The following ZNF613 variants were observed in gnomAD, a reference collection of about 807,000 sequenced individuals.
ZNF613 encodes zinc finger protein 613.
ZNF613 carries 8 observed loss-of-function variants against 14.3 expected under a neutral mutation model. That is an observed-to-expected ratio of 0.56 (90% confidence interval 0.33 to 1.01). The LOEUF (loss-of-function observed/expected upper bound fraction) is 1.01. Among genes scored for constraint, ZNF613 ranks in the 50% least tolerant of loss-of-function variants. The pLI is 0.03. For missense variants in ZNF613, 656 were observed against 741.9 expected, an observed-to-expected ratio of 0.88 and a Z score of 1.35; for synonymous variants, 228 against 254.5, an observed-to-expected ratio of 0.90 and a Z score of 0.99.
Position 51,940,203 on chromosome 19 carries a change from T to C in ZNF613, c.16-6T>C. Reference sequence around the variant, plus strand: ...CTTCATATTAAGCAGGACTCTCTTATTACAGGAATCACTGACCCTGGAGGA... The same window carrying C: ...CTTCATATTAAGCAGGACTCTCTTACTACAGGAATCACTGACCCTGGAGGA... On this transcript the variant is annotated splice_polypyrimidine_tract_variant and splice_region_variant and intron_variant, in intron 3 of 5. Transcript: ENST00000293471. 2 of 1,613,104 alleles carry C rather than the reference T, an allele frequency of 1.2e-6. No individual in the cohort carries two copies.
intron 2 of ZNF613, among the ~76,000 whole-genome samples, chr19:51,934,907 G>A (rs1203371763): frequency 6.6e-6 from 1 of 152,170 alleles, no homozygotes; most frequent in East Asian, 1.9e-4. Flanking sequence ...TCCACTAGTG[G>A]CGTTCTAAGA....
chr19:51,942,212 T>C (rs932707202), intron 5 of ZNF613, among the ~76,000 whole-genome samples: 2 of 152,248 alleles, frequency 1.3e-5, no homozygotes, highest in Non-Finnish European at 2.9e-5. Context: ...AGTGTGTCCC[T>C]TACTTTCCTT....
chr19:51,940,335 G>A lies in ZNF613; in HGVS notation c.142G>A (p.Gly48Arg). 1 of 1,613,162 alleles carries A rather than the reference G, an allele frequency of 6.2e-7. No homozygotes were observed. The highest frequency in any genetic ancestry group is 2.2e-5 in the East Asian group (1 of 44,822). The change falls in exon 4 of 6, where the codon GGG becomes AGG. Residue 48 changes from glycine to arginine, a missense_variant and splice_region_variant. By Grantham distance (125) the Gly-to-Arg change is moderately radical. Transcript: ENST00000293471. ...LENYSNLVSVGYQASKPDALF... is the reference protein window; with the variant it reads ...LENYSNLVSVRYQASKPDALF... ...GAACTATAGCAACCTCGTGTCAGTG[G>A]GTGAGGACAGCTGCCCTGTGTCACT...
At chr19:51,933,636 A>T (rs937496931) in intron 2 of ZNF613, among the ~76,000 whole-genome samples, 3 of 152,022 alleles carry the variant, frequency 2.0e-5, no homozygotes, top group African/African-American at 7.2e-5. Context: ...AATAAAGTCT[A>T]TTCTGTTCCC....
intron 2 of ZNF613, among the ~76,000 whole-genome samples, chr19:51,931,917 A>G (rs530680294): frequency 2.0e-4 from 31 of 152,202 alleles, no homozygotes; most frequent in Non-Finnish European, 4.1e-4. Flanking sequence ...GACAAAAACA[A>G]AAGAGTATAT....
At chr19:51,940,760 A>T in intron 5 of ZNF613, 51 bp downstream of exon 5, 2 of 1,498,766 alleles carry the variant, frequency 1.3e-6, no homozygotes, top group South Asian at 1.2e-5. Context: ...AAGTCACATG[A>T]TAGTTGTTCA....
At chr19:51,937,725 C>CTTTTTT (rs557250619) in intron 3 of ZNF613, among the ~76,000 whole-genome samples, 48 of 105,204 alleles carry the variant, frequency 4.6e-4, no homozygotes, top group Non-Finnish European at 6.5e-4. Flanking sequence ...TGTCTTTTTT[C>CTTTTTT]TTTTTTTTTT....
At chr19:51,935,052 G>C (rs997454661) in intron 2 of ZNF613, among the ~76,000 whole-genome samples, 1 of 152,130 alleles carries the variant, frequency 6.6e-6, no homozygotes, top group Non-Finnish European at 1.5e-5. Context: ...GAGGGCCACC[G>C]GGAGCTTGTC....
chr19:51,932,455 G>T (rs1000453558), intron 2 of ZNF613, among the ~76,000 whole-genome samples: 39 of 151,720 alleles, frequency 2.6e-4, no homozygotes, highest in Admixed American at 2.3e-3. Context: ...GCGCCACCAT[G>T]CCTGGCTAAT....
rs1410722769 is a variant in ZNF613, at chr19:51,944,955, C to T, written c.1072C>T (p.Gln358Ter). The stretch of plus-strand genomic sequence containing the variant: ...TGACAAAGCATTCCGCTGGAAATCA[C>T]AGCTCAATGCACATCAGAAAGCTCA... The part of the protein sequence containing the change: ...ECDKAFRWKS[Q>*]LNAHQKAHTG... The change falls in exon 6 of 6, where the codon CAG (glutamine) becomes TAG (stop). Residue 358 changes from glutamine to a stop codon, truncating the protein, a stop_gained. Coordinates refer to ENST00000293471, the MANE Select transcript of ZNF613 (RefSeq NM_001031721.4). LOFTEE classifies it low-confidence loss of function (END_TRUNC). The T allele has an allele frequency of 5.0e-6, 8 of 1,614,020 alleles. No individual in the cohort carries two copies. The highest frequency in any genetic ancestry group is 2.2e-5 in the East Asian group (1 of 44,866).
intron 1 of ZNF613, among the ~76,000 whole-genome samples, 179 bp downstream of exon 1, chr19:51,927,719 C>A (rs1462873510): frequency 6.6e-6 from 1 of 151,444 alleles, no homozygotes; most frequent in Non-Finnish European, 1.5e-5. Context: ...CAGAGTCTGT[C>A]CAGAGCAACA....
At chr19:51,938,751 T>TATATATAAATATATAATATAATATAA (rs2085324927) in intron 3 of ZNF613, among the ~76,000 whole-genome samples, 2 of 137,230 alleles carry the variant, frequency 1.5e-5, no homozygotes, top group African/African-American at 3.3e-5. Flanking sequence ...TATATATATA[T>TATATATAAATATATAATATAATATAA]GTGCAATATG....
intron 3 of ZNF613, among the ~76,000 whole-genome samples, chr19:51,937,370 C>T (rs1270527942): frequency 2.6e-5 from 4 of 152,136 alleles, no homozygotes; most frequent in South Asian, 2.1e-4. Flanking sequence ...TGAATCTAAT[C>T]GTTGGACACC....
intron 1 of ZNF613, chr19:51,927,828 CTG>C (rs1335699527): frequency 6.6e-6 from 1 of 152,278 alleles, no homozygotes; most frequent in Non-Finnish European, 1.5e-5. Context: ...TCAAGGAAAA[CTG>C]TGTCTGCTTC....
chr19:51,940,508 C>A, intron 4 of ZNF613, 109 bp from the exon 5 acceptor site: 1 of 1,483,684 alleles, frequency 6.7e-7, no homozygotes, highest in Non-Finnish European at 9.2e-7. Flanking sequence ...AATCCCTTTG[C>A]TTTGCAGACA....
At position 51,932,386 on chromosome 19, in the gene ZNF613, T is replaced by C. The variant is rs1270320069; in HGVS notation, c.-194+2490T>C. On this transcript the variant is annotated intron_variant, in intron 2 of 5. Coordinates refer to ENST00000293471, the MANE Select transcript of ZNF613 (RefSeq NM_001031721.4). ...GTGCAATGGCTTGATCTCAGCTCACTGCAGCCTCTGCCTCCCGGGTTCAAG... is the reference window on the plus strand; with the variant it reads ...GTGCAATGGCTTGATCTCAGCTCACCGCAGCCTCTGCCTCCCGGGTTCAAG... Among the ~76,000 whole-genome samples, 4 of 143,942 alleles carry C rather than the reference T, an allele frequency of 2.8e-5. No individual in the cohort carries two copies. In the Admixed American group the frequency reaches 2.9e-4, roughly 11 times the overall value. 94.4% of individuals were successfully genotyped at this position (143,942 alleles called of 152,430 possible).
intron 2 of ZNF613, among the ~76,000 whole-genome samples, chr19:51,934,056 C>T (rs974458806): frequency 6.6e-6 from 1 of 152,218 alleles, no homozygotes; most frequent in Non-Finnish European, 1.5e-5. Context: ...GCCTCAGCCT[C>T]CCAAAGTGCT....
At chr19:51,932,398 C>T (rs1051961350) in intron 2 of ZNF613, among the ~76,000 whole-genome samples, 1 of 150,844 alleles carries the variant, frequency 6.6e-6, no homozygotes, top group East Asian at 2.0e-4. Flanking sequence ...CAGCCTCTGC[C>T]TCCCGGGTTC....
chr19:51,944,349 G>T lies in ZNF613; in HGVS notation c.466G>T (p.Gly156Trp). The change falls in exon 6 of 6, where the codon GGG (glycine) becomes TGG (tryptophan). Residue 156 changes from glycine (G) to tryptophan (W), a missense_variant. Coordinates refer to ENST00000293471, the MANE Select transcript of ZNF613 (RefSeq NM_001031721.4). ...NKRYEIKNSV[G>W]VNGDGKSFLH... ...AAGGTATGAAATCAAGAATTCTGTG[G>T]GGGTTAATGGAGATGGGAAATCCTT... The T allele has an allele frequency of 6.3e-7, 1 of 1,593,706 alleles. No individual in the cohort carries two copies. Among genetic ancestry groups the T allele is most frequent in the Admixed American group, 1.7e-5 (1 of 58,274 alleles).
Sources: allele counts gnomAD v4.1 joint callset (sites outside exome capture counted in the v4.1 genomes callset), GRCh38; gene constraint gnomAD v4.1.1; transcripts MANE v1.5; gene names NCBI Gene and HGNC (gene_info 2026-07-23, HGNC 2026-07-21).